ADAM18: variants seen among roughly 807,000 people sequenced by gnomAD.
ADAM18 encodes ADAM metallopeptidase domain 18, also known as disintegrin and metalloproteinase domain-containing protein 18.
In ADAM18, 117 loss-of-function variants were observed where a neutral mutation model predicts 94.4. The observed-to-expected ratio is 1.24, with a 90% CI of 1.07 to 1.45. The LOEUF is 1.45. Among genes scored for constraint, ADAM18 ranks in the 40% most tolerant of loss-of-function variants. The pLI, the probability that ADAM18 is intolerant of heterozygous loss-of-function variation, is 0.00. For missense variants in ADAM18, 936 were observed against 880.0 expected, an observed-to-expected ratio of 1.06 and a Z score of -0.81; for synonymous variants, 327 against 291.6, an observed-to-expected ratio of 1.12 and a Z score of -1.24.
At chr8:39,708,676 C>T (rs563466306) in intron 18 of ADAM18, among the ~76,000 whole-genome samples, 8 of 152,194 alleles carry the variant, frequency 5.3e-5, no homozygotes, top group Non-Finnish European at 1.0e-4. Flanking sequence ...CAACTCCTTG[C>T]AGGAGGGAGT....
intron 6 of ADAM18, among the ~76,000 whole-genome samples, chr8:39,626,482 AG>A (rs1819771583): frequency 6.6e-6 from 1 of 151,534 alleles, no homozygotes; most frequent in Admixed American, 6.6e-5. Flanking sequence ...TAGTTCGTTG[AG>A]GTTGAGATTT....
chr8:39,641,083 C>G (rs1371309224), intron 10 of ADAM18, among the ~76,000 whole-genome samples: 1 of 151,948 alleles, frequency 6.6e-6, no homozygotes, highest in African/African-American at 2.4e-5. Context: ...AAATCATTGC[C>G]CATGTCTATG....
chr8:39,630,744 G>C (rs1377003645), intron 7 of ADAM18, among the ~76,000 whole-genome samples: 3 of 151,866 alleles, frequency 2.0e-5, no homozygotes, highest in Non-Finnish European at 4.4e-5. Flanking sequence ...TTTGGTATCT[G>C]CCTAGGAGTG....
chr8:39,657,273 T>C (rs1427467411), intron 12 of ADAM18, among the ~76,000 whole-genome samples: 3 of 152,160 alleles, frequency 2.0e-5, no homozygotes, highest in Non-Finnish European at 4.4e-5. Flanking sequence ...TCACATTTCC[T>C]TTTATTGGTT....
chr8:39,628,135 G>A (rs1298186853), intron 6 of ADAM18, among the ~76,000 whole-genome samples: 2 of 151,646 alleles, frequency 1.3e-5, no homozygotes, highest in Non-Finnish European at 2.9e-5. Flanking sequence ...GATTATTTTA[G>A]TGCCCCCTTT....
Position 39,655,722 on chromosome 8 carries a change from T to C in ADAM18, c.1230+7195T>C, listed in dbSNP as rs571311101. On this transcript the variant is annotated intron_variant, in intron 12 of 19. Coordinates refer to ENST00000265707, the MANE Select transcript of ADAM18 (RefSeq NM_014237.3). ...ATTTCATTATTTATAATCATATCAT[T>C]GTATGCATGAAAACCCAAAATAATC... is the stretch of plus-strand genomic sequence containing the variant. Among the ~76,000 whole-genome samples the C allele has an allele frequency of 2.6e-5, 4 of 152,202 alleles. No individual in the cohort carries two copies. In the East Asian group the frequency reaches 7.7e-4, roughly 29 times the overall value.
Position 39,637,571 on chromosome 8 carries a change from C to G in ADAM18, c.695C>G (p.Ser232Cys). Residue 232 changes from serine (S) to cysteine (C), a missense_variant, in exon 9 of 20, where the codon TCT becomes TGT. Transcript: ENST00000265707. ...FTQFKLTVIL[S>C]SLELWSNENQ... ...CAGTTCAAATTGACTGTTATACTGT[C>G]TTCCTTGGAATTGTGGTCAAATGAA... The G allele has an allele frequency of 6.2e-7, 1 of 1,612,270 alleles. No individual in the cohort carries two copies.
At chr8:39,633,951 A>G (rs1820004042) in intron 7 of ADAM18, among the ~76,000 whole-genome samples, 1 of 152,076 alleles carries the variant, frequency 6.6e-6, no homozygotes, top group Admixed American at 6.6e-5. Context: ...GCTGCTATTT[A>G]TCAACACAAG....
intron 14 of ADAM18, among the ~76,000 whole-genome samples, chr8:39,675,032 C>T (rs190808914): frequency 1.1e-3 from 163 of 152,298 alleles, no homozygotes; most frequent in African/African-American, 3.7e-3. Flanking sequence ...GTAACCTGAA[C>T]TTTCTCTCTG....
intron 15 of ADAM18, among the ~76,000 whole-genome samples, chr8:39,679,206 G>A (rs1821375552): frequency 6.6e-6 from 1 of 152,058 alleles, no homozygotes; most frequent in Admixed American, 6.6e-5. Flanking sequence ...TAGGACAAAT[G>A]GGTAAAATTC....
chr8:39,624,079 A>G (rs1001227027), intron 6 of ADAM18, among the ~76,000 whole-genome samples: 4 of 152,082 alleles, frequency 2.6e-5, no homozygotes, highest in Non-Finnish European at 5.9e-5. Flanking sequence ...CATGGTTTAC[A>G]AATATTTTCT....
At chr8:39,597,915 C>T (rs1818786324) in intron 2 of ADAM18, among the ~76,000 whole-genome samples, 1 of 152,286 alleles carries the variant, frequency 6.6e-6, no homozygotes, top group East Asian at 1.9e-4. Context: ...CTATCCATAA[C>T]ATGGAATATT....
At chr8:39,627,688 A>T (rs1321346914) in intron 6 of ADAM18, among the ~76,000 whole-genome samples, 1 of 152,036 alleles carries the variant, frequency 6.6e-6, no homozygotes, top group African/African-American at 2.4e-5. Flanking sequence ...TGTGTCTTCT[A>T]AGTGGTGTAT....
intron 6 of ADAM18, among the ~76,000 whole-genome samples, chr8:39,614,669 G>C (rs576193396): frequency 2.0e-5 from 3 of 152,240 alleles, no homozygotes; most frequent in Non-Finnish European, 1.5e-5. Flanking sequence ...AGCATGGCAG[G>C]TTGCATGAAG....
intron 12 of ADAM18, among the ~76,000 whole-genome samples, chr8:39,661,319 AT>A (rs71518171): frequency 1.4e-4 from 16 of 112,820 alleles, no homozygotes; most frequent in African/African-American, 5.4e-4. Flanking sequence ...CACCCGGCAA[AT>A]TTTTTTTTTT....
chr8:39,631,992 C>T (rs891099471), intron 7 of ADAM18, among the ~76,000 whole-genome samples: 2 of 151,902 alleles, frequency 1.3e-5, no homozygotes, highest in Non-Finnish European at 2.9e-5. Flanking sequence ...AGTTGACACA[C>T]AATTTATCTT....
chr8:39,702,176 C>A (rs1822100444), intron 17 of ADAM18, among the ~76,000 whole-genome samples: 1 of 152,140 alleles, frequency 6.6e-6, no homozygotes, highest in Non-Finnish European at 1.5e-5. Flanking sequence ...TTAATAACAG[C>A]CATTCTGACT....
At chr8:39,705,306 T>C (rs2129581274) in intron 17 of ADAM18, among the ~76,000 whole-genome samples, 1 of 152,292 alleles carries the variant, frequency 6.6e-6, no homozygotes, top group Admixed American at 6.5e-5. Flanking sequence ...TCTTCATCTT[T>C]TGTTAAAGTT....
chr8:39,717,385 ATTCTATT>A (rs1158681562), intron 18 of ADAM18, among the ~76,000 whole-genome samples: 3 of 151,872 alleles, frequency 2.0e-5, no homozygotes, highest in African/African-American at 7.2e-5. Context: ...GCAACACTGT[ATTCTATT>A]TTTGTCTCTA....
Sources: gnomAD v4.1 joint callset for allele counts (sites outside exome capture counted in the v4.1 genomes callset) on GRCh38, gnomAD v4.1.1 for gene constraint, MANE v1.5 for transcripts, NCBI Gene and HGNC (gene_info 2026-07-23, HGNC 2026-07-21) for gene names.